Variants in TRPC4 observed in about 807,000 individuals in gnomAD.
TRPC4 encodes short transient receptor potential channel 4.
A neutral mutation model predicts 99.4 loss-of-function variants in TRPC4; 49 were observed. The ratio of observed to expected loss-of-function variants is 0.49; its 90% CI spans 0.39 to 0.63. The LOEUF (loss-of-function observed/expected upper bound fraction) is 0.63. Among genes scored for constraint, TRPC4 ranks in the 20% least tolerant of loss-of-function variants. The pLI, the probability that TRPC4 is intolerant of heterozygous loss-of-function variation, is 0.00. For synonymous variants in TRPC4, 454 were observed against 425.9 expected (o/e 1.07, Z -0.81); for missense variants, 898 against 1,152.9 (o/e 0.78, Z 3.20).
intron 2 of TRPC4, among the ~76,000 whole-genome samples, chr13:37,753,463 G>C (rs777753787): frequency 6.6e-5 from 10 of 151,842 alleles, no homozygotes; most frequent in Non-Finnish European, 1.0e-4. Context: ...AAAGAAGGCT[G>C]ATAGCTATTA....
chr13:37,766,622 T>C (rs987349923), intron 2 of TRPC4, among the ~76,000 whole-genome samples: 1 of 151,348 alleles, frequency 6.6e-6, no homozygotes, highest in Non-Finnish European at 1.5e-5. Context: ...CAGAGATACA[T>C]GTGTAGGGTA....
At chr13:37,866,972 G>A (rs1183865080) in intron 1 of TRPC4, among the ~76,000 whole-genome samples, 1 of 151,100 alleles carries the variant, frequency 6.6e-6, no homozygotes, top group East Asian at 1.9e-4. Flanking sequence ...GCATTAAAGA[G>A]GTCAATAACA....
At chr13:37,802,133 AAACTTACAG>A (rs1957422376) in intron 1 of TRPC4, among the ~76,000 whole-genome samples, 1 of 152,130 alleles carries the variant, frequency 6.6e-6, no homozygotes, top group Non-Finnish European at 1.5e-5. Context: ...AAATGATTTC[AAACTTACAG>A]AACTGTTGCA....
intron 3 of TRPC4, among the ~76,000 whole-genome samples, chr13:37,709,691 T>A (rs1035877734): frequency 1.3e-5 from 2 of 152,004 alleles, no homozygotes; most frequent in East Asian, 3.9e-4. Context: ...AGTGATGGGT[T>A]TTCTTTATAT....
At chr13:37,697,792 T>C (rs1953960258) in intron 3 of TRPC4, among the ~76,000 whole-genome samples, 1 of 152,216 alleles carries the variant, frequency 6.6e-6, no homozygotes. Flanking sequence ...TAAAACTTGA[T>C]AAACGCTGGT....
chr13:37,728,311 T>C (rs556428677), intron 3 of TRPC4, among the ~76,000 whole-genome samples: 3 of 152,146 alleles, frequency 2.0e-5, no homozygotes, highest in African/African-American at 7.2e-5. Flanking sequence ...AAAGAATAGT[T>C]AGAATTAATA....
Position 37,663,676 on chromosome 13 carries a change from C to T in TRPC4, c.1428G>A (p.Val476=), listed in dbSNP as rs563041842. Residue 476 remains valine (V), a synonymous_variant, in exon 6 of 11, where the codon GTG becomes GTA. Transcript: ENST00000379705. ...ESWDMWHPTL[V]AEALFAIANI... ...TTGCAATAGCAAATAAAGCCTCTGC[C>T]ACCAGAGTGGGATGCCACATGTCCC... 6.2e-7 allele frequency: 1 copy of T among 1,614,110 alleles called. No individual in the cohort carries two copies. The highest frequency in any genetic ancestry group is 2.2e-5 in the East Asian group (1 of 44,872).
chr13:37,649,461 G>A lies in TRPC4; in HGVS notation c.2079+1804C>T, dbSNP rs75010455. On this transcript the variant is annotated intron_variant, in intron 8 of 10. Transcript: ENST00000379705. The stretch of plus-strand genomic sequence containing the variant: ...ATTAAATCTAAGCTATTGGCCGGGC[G>A]CGGTGGCTCACGCCTGTAATCCCAG... 9.5e-4 allele frequency among the ~76,000 whole-genome samples: 145 copies of A among 152,070 alleles called. 1 individual carries two copies. Among genetic ancestry groups the A allele is most frequent in the African/African-American group, 3.3e-3 (136 of 41,510 alleles).
intron 3 of TRPC4, among the ~76,000 whole-genome samples, chr13:37,739,591 C>T (rs1220848121): frequency 4.0e-5 from 6 of 150,460 alleles, no homozygotes; most frequent in Admixed American, 2.0e-4. Flanking sequence ...CTGCCACCTC[C>T]GCTTCCTGGG....
At chr13:37,864,050 T>C (rs534046303) in intron 1 of TRPC4, among the ~76,000 whole-genome samples, 1 of 151,828 alleles carries the variant, frequency 6.6e-6, no homozygotes, top group East Asian at 1.9e-4. Flanking sequence ...ATAATCTGAT[T>C]TGTAAAAACT....
intron 3 of TRPC4, among the ~76,000 whole-genome samples, chr13:37,730,956 A>G (rs886725957): frequency 6.6e-6 from 1 of 152,060 alleles, no homozygotes; most frequent in African/African-American, 2.4e-5. Flanking sequence ...TACAGGCCAA[A>G]AATGCTATTA....
chr13:37,795,104 G>T (rs628443), intron 1 of TRPC4, among the ~76,000 whole-genome samples: 89,460 of 151,850 alleles, frequency 0.59, 26,660 homozygotes, highest in Admixed American at 0.69. Context: ...TTTTTTAAAA[G>T]AATTAAACAC....
chr13:37,703,754 A>T (rs1266739247), intron 3 of TRPC4, among the ~76,000 whole-genome samples: 1 of 152,186 alleles, frequency 6.6e-6, no homozygotes, highest in African/African-American at 2.4e-5. Flanking sequence ...ATAGCTTTTT[A>T]AAAAGAGTTT....
intron 3 of TRPC4, among the ~76,000 whole-genome samples, chr13:37,737,025 G>A (rs1185317233): frequency 6.0e-5 from 9 of 151,076 alleles, no homozygotes; most frequent in African/African-American, 1.7e-4. Context: ...AAGCCAGCAC[G>A]CCCAGCCAAC....
At chr13:37,643,835 T>C (rs576306884) in intron 8 of TRPC4, among the ~76,000 whole-genome samples, 4 of 152,252 alleles carry the variant, frequency 2.6e-5, no homozygotes, top group Non-Finnish European at 5.9e-5. Context: ...GAATGAGACT[T>C]CCTAGCTTCT....
intron 5 of TRPC4, among the ~76,000 whole-genome samples, chr13:37,668,306 A>G (rs1400626839): frequency 6.6e-6 from 1 of 152,132 alleles, no homozygotes; most frequent in African/African-American, 2.4e-5. Context: ...GACCTATATA[A>G]TAGAGAGGTA....
At chr13:37,714,214 C>T (rs1438890449) in intron 3 of TRPC4, among the ~76,000 whole-genome samples, 1 of 151,990 alleles carries the variant, frequency 6.6e-6, no homozygotes, top group Non-Finnish European at 1.5e-5. Flanking sequence ...GCAACCTCTG[C>T]CTCCTGGGTT....
intron 3 of TRPC4, among the ~76,000 whole-genome samples, chr13:37,742,942 A>G (rs1955633987): frequency 6.6e-6 from 1 of 152,206 alleles, no homozygotes; most frequent in African/African-American, 2.4e-5. Flanking sequence ...GCTATCAGTT[A>G]TCCAATGTTA....
At position 37,804,478 on chromosome 13, in the gene TRPC4, GAAGA is replaced by G. The variant is rs569673669; in HGVS notation, c.-27-21122_-27-21119del. ...AAGAGGATATCAGCTCTTATAAAAA[GAAGA>G]AAAACAGAAATTATGACTGATTTAT... On this transcript the variant is annotated intron_variant, in intron 1 of 10. Transcript: ENST00000379705. Among the ~76,000 whole-genome samples, 5 of 152,052 alleles carry G rather than the reference GAAGA, an allele frequency of 3.3e-5. No individual in the cohort carries two copies. In the South Asian group the frequency reaches 1.0e-3, roughly 31 times the overall value.
Sources: gnomAD v4.1 joint callset for allele counts (sites outside exome capture counted in the v4.1 genomes callset) on GRCh38, gnomAD v4.1.1 for gene constraint, MANE v1.5 for transcripts, NCBI Gene and HGNC (gene_info 2026-07-23, HGNC 2026-07-21) for gene names.